TJP1: variants seen among roughly 807,000 people sequenced by gnomAD.
TJP1 encodes the protein tight junction protein ZO-1.
A neutral mutation model predicts 194.2 loss-of-function variants in TJP1; 43 were observed. The ratio of observed to expected loss-of-function variants is 0.22; its 90% CI spans 0.17 to 0.29. TJP1 has a LOEUF of 0.29. Among genes scored for constraint, TJP1 ranks in the 10% least tolerant of loss-of-function variants. TJP1 has a pLI of 1.00. For missense variants in TJP1, 1,971 were observed against 2,185.7 expected (o/e 0.90, Z 1.96); for synonymous variants, 801 against 779.0 (o/e 1.03, Z -0.47).
At chr15:29,793,852 C>G (rs756559294) in intron 2 of TJP1, among the ~76,000 whole-genome samples, 2 of 152,136 alleles carry the variant, frequency 1.3e-5, no homozygotes, top group Non-Finnish European at 2.9e-5. Context: ...GGATGAATCC[C>G]ACTTGATTAC....
At chr15:29,814,120 A>G (rs939251620) in intron 1 of TJP1, among the ~76,000 whole-genome samples, 2 of 152,254 alleles carry the variant, frequency 1.3e-5, no homozygotes, top group Non-Finnish European at 2.9e-5. Flanking sequence ...GATTCAATTC[A>G]AACATTTAAA....
intron 1 of TJP1, among the ~76,000 whole-genome samples, chr15:29,815,703 G>T (rs931763472): frequency 2.6e-5 from 4 of 152,192 alleles, no homozygotes; most frequent in African/African-American, 9.7e-5. Flanking sequence ...ACAGGATTAC[G>T]TCTTCAAATT....
intron 4 of TJP1, 76 bp downstream of exon 4, chr15:29,771,988 A>T: frequency 1.1e-6 from 1 of 920,000 alleles, no homozygotes; most frequent in East Asian, 2.7e-5. Context: ...AATGGGAAGG[A>T]TAAATTCAAA....
chr15:29,807,186 G>A (rs757822210), intron 1 of TJP1, among the ~76,000 whole-genome samples: 1 of 152,064 alleles, frequency 6.6e-6, no homozygotes, highest in African/African-American at 2.4e-5. Context: ...AATATTAGTC[G>A]GAAAGACAGA....
At chr15:29,906,533 A>T (rs1432193991) in intron 2 of TJP1, among the ~76,000 whole-genome samples, 1 of 150,470 alleles carries the variant, frequency 6.6e-6, no homozygotes, top group East Asian at 1.9e-4. Flanking sequence ...TAAAATAAAA[A>T]TTAAAAAATG....
chr15:29,777,675 G>T (rs916926098), intron 2 of TJP1, among the ~76,000 whole-genome samples: 9 of 150,850 alleles, frequency 6.0e-5, no homozygotes, highest in Non-Finnish European at 8.8e-5. Flanking sequence ...CAACTTTCAG[G>T]AGAGGAATTT....
intron 2 of TJP1, among the ~76,000 whole-genome samples, chr15:29,829,649 AAAAG>A (rs1374737308): frequency 6.6e-6 from 1 of 152,072 alleles, no homozygotes; most frequent in Non-Finnish European, 1.5e-5. Context: ...AAAAAAAAAA[AAAAG>A]ATTTCTTAAA....
At chr15:29,723,075 C>CTCAGATGAGT in intron 18 of TJP1, among the ~76,000 whole-genome samples, 1 of 152,106 alleles carries the variant, frequency 6.6e-6, no homozygotes. Context: ...CTAGCCTTGT[C>CTCAGATGAGT]TCAGATGAGA....
chr15:29,936,020 T>C (rs377112454), intron 2 of TJP1, among the ~76,000 whole-genome samples: 97 of 151,898 alleles, frequency 6.4e-4, no homozygotes, highest in African/African-American at 2.3e-3. Flanking sequence ...ATCCCCACCT[T>C]CTCCCTCTTC....
chr15:29,810,300 C>A (rs991511746), intron 1 of TJP1, among the ~76,000 whole-genome samples: 1 of 152,106 alleles, frequency 6.6e-6, no homozygotes, highest in Admixed American at 6.5e-5. Flanking sequence ...TCATTATATT[C>A]CCCACATCCA....
At position 29,762,788 on chromosome 15, in the gene TJP1, C is replaced by T. The variant is rs111664603; in HGVS notation, c.590-350G>A. ...AAGGAATACAATTTTCTTTAAGAGA[C>T]AGGGTCTCACTATGTTGCCCAGGCT... On this transcript the variant is annotated intron_variant, in intron 5 of 27. Coordinates refer to ENST00000614355, the MANE Select transcript of TJP1 (RefSeq NM_001330239.4). Among the ~76,000 whole-genome samples the T allele has an allele frequency of 3.8e-4, 58 of 152,238 alleles. No homozygotes were observed. The Middle Eastern group carries it at 0.014, about 36-fold the overall frequency.
chr15:29,954,550 A>G (rs1392681539), intron 2 of TJP1, among the ~76,000 whole-genome samples: 2 of 152,150 alleles, frequency 1.3e-5, no homozygotes, highest in African/African-American at 2.4e-5. Context: ...AAGTACATTT[A>G]TATTTTCTTT....
intron 25 of TJP1, among the ~76,000 whole-genome samples, chr15:29,707,148 G>A (rs1209427069): frequency 6.6e-6 from 1 of 152,068 alleles, no homozygotes; most frequent in Non-Finnish European, 1.5e-5. Context: ...ACCCTTGTAT[G>A]GGCATATCCC....
At chr15:29,892,133 T>C (rs556010770) in intron 2 of TJP1, among the ~76,000 whole-genome samples, 1 of 152,344 alleles carries the variant, frequency 6.6e-6, no homozygotes, top group Non-Finnish European at 1.5e-5. Flanking sequence ...GCCTTATTGC[T>C]GATATGGAGA....
Position 29,719,873 on chromosome 15 carries a change from T to C in TJP1, c.2907A>G (p.Pro969=), listed in dbSNP as rs1375211584. 1 of 1,614,146 alleles carries C rather than the reference T, an allele frequency of 6.2e-7. No individual in the cohort carries two copies. Among genetic ancestry groups the C allele is most frequent in the Non-Finnish European group, 8.5e-7 (1 of 1,180,030 alleles). ...TTGGTGTTCTTAAAGAATCAGCTTG[T>C]GGTGAGTAAGAGGTGGAAGGAGCTG... ...PTPAPSTSYS[P]QADSLRTPST... The change falls in exon 20 of 28, where the codon CCA becomes CCG. Residue 969 remains proline (P), a synonymous_variant. Coordinates refer to ENST00000614355, the MANE Select transcript of TJP1 (RefSeq NM_001330239.4).
At chr15:29,879,825 C>A (rs1188099392) in intron 2 of TJP1, among the ~76,000 whole-genome samples, 1 of 152,174 alleles carries the variant, frequency 6.6e-6, no homozygotes, top group Non-Finnish European at 1.5e-5. Context: ...GATCCTCTCA[C>A]CTTAGCTTCC....
intron 1 of TJP1, among the ~76,000 whole-genome samples, chr15:29,807,350 C>G (rs1001049798): frequency 1.3e-5 from 2 of 152,168 alleles, no homozygotes; most frequent in African/African-American, 4.8e-5. Flanking sequence ...TTGAGAAAAT[C>G]TCAGTAGGGA....
chr15:29,740,575 T>C (rs2044344360), intron 10 of TJP1, among the ~76,000 whole-genome samples: 1 of 151,910 alleles, frequency 6.6e-6, no homozygotes, highest in African/African-American at 2.4e-5. Context: ...GAGGTTGCAG[T>C]TAGCCGAGAT....
At chr15:29,738,349 A>T (rs2044171251) in intron 10 of TJP1, among the ~76,000 whole-genome samples, 1 of 152,232 alleles carries the variant, frequency 6.6e-6, no homozygotes, top group African/African-American at 2.4e-5. Flanking sequence ...AAACTAATAG[A>T]TAACAATAAC....
Sources: allele counts gnomAD v4.1 joint callset (sites outside exome capture counted in the v4.1 genomes callset), GRCh38; gene constraint gnomAD v4.1.1; transcripts MANE v1.5; gene names NCBI Gene and HGNC (gene_info 2026-07-23, HGNC 2026-07-21).